The following ZMYM3 variants were observed in gnomAD, a reference collection of about 807,000 sequenced individuals.
ZMYM3 encodes zinc finger MYM-type containing 3, also known as zinc finger MYM-type protein 3.
A neutral mutation model predicts 94.2 loss-of-function variants in ZMYM3; 6 were observed. The ratio of observed to expected loss-of-function variants is 0.06; its 90% CI spans 0.03 to 0.13. The LOEUF (loss-of-function observed/expected upper bound fraction) is 0.13, where lower values mean the gene tolerates loss of function less well. ZMYM3 is among the 10% of genes least tolerant of loss of function. The pLI is 1.00. For missense variants in ZMYM3, 664 were observed against 1,132.6 expected, an observed-to-expected ratio of 0.59 and a Z score of 5.94; for synonymous variants, 420 against 426.5, an observed-to-expected ratio of 0.98 and a Z score of 0.19.
At chrX:71,251,464 T>A in intron 3 of ZMYM3, 94 bp downstream of exon 3, 1 of 1,079,014 alleles carries the variant, frequency 9.3e-7, no homozygotes, top group Non-Finnish European at 1.2e-6. Context: ...TTACACACAC[T>A]CTCTACAGAA....
rs1354582493 is a variant in ZMYM3 at position 71,250,438 on chromosome X, C to T, written c.1067G>A (p.Cys356Tyr). 1 of 1,206,277 alleles carries T rather than the reference C, an allele frequency of 8.3e-7. No homozygotes were observed. Among genetic ancestry groups the T allele is most frequent in the Non-Finnish European group, 1.1e-6 (1 of 892,319 alleles). ...KPSGKKTCTF[C>Y]KKEIWNTKDS... ...CCCCAAGACCCTCACGCACTTCTTG[C>T]AGAAGGTACAGGTCTTTTTGCCCGA... Residue 356 changes from cysteine (C) to tyrosine (Y), a missense_variant, in exon 5 of 25, where the codon TGC (cysteine) becomes TAC (tyrosine). Cys to Tyr is a radical substitution (Grantham distance 194). This residue lies in a region of ZMYM3 where 51 missense variants were observed against 53.0 expected (regional missense o/e 0.96). Transcript: ENST00000314425.
rs1259692858 is a variant in ZMYM3 at position 71,243,875 on chromosome X, C to T, written c.3386G>A (p.Arg1129Gln). ...VREITRPNGE[R>Q]YEPDSIYYLC... ...ATAGTAGATACTGTCAGGTTCATAT[C>T]GTTCACCATTGGGCCGAGTGATTTC... The change falls in exon 21 of 25, where the codon CGA (arginine) becomes CAA (glutamine). Residue 1129 changes from arginine to glutamine, a missense_variant. By Grantham distance (43) the Arg-to-Gln change is conservative (BLOSUM62 1). Transcript: ENST00000314425. 3.3e-6 allele frequency: 4 copies of T among 1,209,908 alleles called. No individual in the cohort carries two copies. Among genetic ancestry groups the T allele is most frequent in the Non-Finnish European group, 4.5e-6 (4 of 895,267 alleles).
At chrX:71,243,124 A>G in intron 21 of ZMYM3, 40 bp from the exon 22 acceptor site, 1 of 1,058,318 alleles carries the variant, frequency 9.4e-7, no homozygotes, top group Non-Finnish European at 1.3e-6. Flanking sequence ...GCTAGACTGT[A>G]GGTCCTAGAA....
Position 71,254,017 on chromosome X carries a change from C to A in ZMYM3, c.-20+12G>T. 1 of 109,225 alleles carries A rather than the reference C, an allele frequency of 9.2e-6. No individual in the cohort carries two copies. 9.0% of individuals were successfully genotyped at this position (109,225 alleles called of 1,213,427 possible). On this transcript the variant is annotated intron_variant, in intron 1 of 24. Coordinates refer to ENST00000314425, the MANE Select transcript of ZMYM3 (RefSeq NM_201599.3). Reference sequence around the variant, plus strand: ...GCAGGTTCGGTTCGGCTTGAGCAGGCCCGACCCCTACCTGCGGCAGGGTTA... The same window carrying A: ...GCAGGTTCGGTTCGGCTTGAGCAGGACCGACCCCTACCTGCGGCAGGGTTA...
At position 71,253,245 on chromosome X, in the gene ZMYM3, C is replaced by G; in HGVS notation, c.11G>C (p.Ser4Thr). Reference sequence around the variant, plus strand: ...TGGGTCAAATGGACTGGGGAAATCACTGGGGTCCATGAGTATGGCTGGATA... The same window carrying G: ...TGGGTCAAATGGACTGGGGAAATCAGTGGGGTCCATGAGTATGGCTGGATA... MDPSDFPSPFDPLT... is the reference protein window; with the variant it reads MDPTDFPSPFDPLT... The change falls in exon 2 of 25, where the codon AGT becomes ACT. Residue 4 changes from serine (S) to threonine (T), a missense_variant. Coordinates refer to ENST00000314425, the MANE Select transcript of ZMYM3 (RefSeq NM_201599.3). 8.6e-7 allele frequency: 1 copy of G among 1,165,095 alleles called. No homozygotes were observed. Among genetic ancestry groups the G allele is most frequent in the Non-Finnish European group, 1.1e-6 (1 of 871,775 alleles).
rs200317234 is a variant in ZMYM3, at chrX:71,251,594, G to A, written c.675C>T (p.Gly225=). The change falls in exon 3 of 25, where the codon GGC becomes GGT. Residue 225 remains glycine, a synonymous_variant. Coordinates refer to ENST00000314425, the MANE Select transcript of ZMYM3 (RefSeq NM_201599.3). ...PPAHPSLPGD[G]LTAKASEKPP... ...GCTTCTCACTCGCCTTCGCAGTCAG[G>A]CCATCTCCTGCAAAGGAAGCAGAAG... 44 of 1,186,981 alleles carry A rather than the reference G, an allele frequency of 3.7e-5. No homozygotes were observed. Among genetic ancestry groups the A allele is most frequent in the Non-Finnish European group, 3.7e-5 (33 of 883,792 alleles).
At chrX:71,243,576 G>T in intron 21 of ZMYM3, 1 of 366,423 alleles carries the variant, frequency 2.7e-6, no homozygotes, top group East Asian at 4.4e-5. Context: ...TAGGGGACAA[G>T]ATGAGGAACA....
At chrX:71,251,778 TG>T (rs1291941819) in intron 2 of ZMYM3, 177 bp from the exon 3 acceptor site, 5 of 746,852 alleles carry the variant, frequency 6.7e-6, no homozygotes, top group African/African-American at 4.8e-5. Context: ...GTACTAAGGG[TG>T]GGGGGGTGCA....
chrX:71,250,287 C>T (rs750061047), intron 5 of ZMYM3, 84 bp from the exon 6 acceptor site: 62 of 1,090,828 alleles, frequency 5.7e-5, no homozygotes, highest in Non-Finnish European at 6.8e-5. Context: ...GGATCAATGA[C>T]CACAGAGCCA....
Position 71,248,812 on chromosome X carries a change from G to A in ZMYM3, c.1622-11C>T. On this transcript the variant is annotated splice_polypyrimidine_tract_variant and intron_variant, in intron 8 of 24. Coordinates refer to ENST00000314425, the MANE Select transcript of ZMYM3 (RefSeq NM_201599.3). The stretch of plus-strand genomic sequence containing the variant: ...AGGGTCGGGGAGGGCCTGGGGCATA[G>A]AGAGAAAGAGAGAGAGGAAAAGAGA... The A allele has an allele frequency of 8.6e-7, 1 of 1,156,977 alleles. No homozygotes were observed. The highest frequency in any genetic ancestry group is 1.2e-6 in the Non-Finnish European group (1 of 856,138).
chrX:71,243,652 C>G, intron 21 of ZMYM3, 177 bp downstream of exon 21: 1 of 476,740 alleles, frequency 2.1e-6, no homozygotes, highest in Non-Finnish European at 3.3e-6. Context: ...AGATGGGTAT[C>G]ACTTTGTTGC....
intron 21 of ZMYM3, chrX:71,243,547 G>A (rs1454751063): frequency 2.9e-6 from 1 of 340,113 alleles, no homozygotes; most frequent in Admixed American, 5.0e-5. Context: ...GAGATTAAAG[G>A]CAAGCTGCCT....
Position 71,244,566 on chromosome X carries a change from G to C in ZMYM3, c.3112-96C>G, listed in dbSNP as rs1297036767. On this transcript the variant is annotated intron_variant, in intron 19 of 24. Transcript: ENST00000314425. ...ATATTTACTGCTGGCCGGGGCAGGG[G>C]CTGATGTAAGCACACAGCAAGCTTC... The C allele has an allele frequency of 1.6e-5, 16 of 1,006,972 alleles. No homozygotes were observed. The African/African-American group carries it at 2.7e-4, about 17-fold the overall frequency. The allele number at this position is 1,006,972 out of a possible 1,213,427, so 83.0% of individuals were successfully genotyped here.
In ZMYM3 at chrX:71,251,649, A is replaced by G. The variant is rs376378462; in HGVS notation, c.668-48T>C. The G allele has an allele frequency of 1.2e-4, 134 of 1,113,789 alleles. 1 individual carries two copies. Among genetic ancestry groups the G allele is most frequent in the Non-Finnish European group, 1.5e-4 (129 of 846,513 alleles). The allele number at this position is 1,113,789 out of a possible 1,213,427, so 91.8% of individuals were successfully genotyped here. A position where few individuals can be genotyped will look rare whatever the true frequency, so the allele number is the denominator to read the frequency against. On this transcript the variant is annotated intron_variant, in intron 2 of 24. Transcript: ENST00000314425. ...CCTAAATGTTGAGCCTGCCCTCACCACCCTCTCCCCGGCCCAACCCCCGCC... is the reference window on the plus strand; with the variant it reads ...CCTAAATGTTGAGCCTGCCCTCACCGCCCTCTCCCCGGCCCAACCCCCGCC...
At chrX:71,242,911 G>A in intron 22 of ZMYM3, 59 bp downstream of exon 22, 1 of 1,077,625 alleles carries the variant, frequency 9.3e-7, no homozygotes, top group Non-Finnish European at 1.3e-6. Context: ...GGACTCTCGG[G>A]ATGGTGGATT....
chrX:71,242,125 A>C (rs1435549885), intron 23 of ZMYM3, 45 bp downstream of exon 23: 7 of 1,150,480 alleles, frequency 6.1e-6, no homozygotes, highest in Non-Finnish European at 8.1e-6. Context: ...TGGAAGGGGA[A>C]GGCAGAGAAG....
rs995503570 is a variant in ZMYM3 at position 71,245,852 on chromosome X, C to T, written c.2686-10G>A. Reference sequence around the variant, plus strand: ...ACATGGGCACAGGCACCTGGAGGCACGAATCCCAACTAAATGCCAAGAACC... The same window carrying T: ...ACATGGGCACAGGCACCTGGAGGCATGAATCCCAACTAAATGCCAAGAACC... On this transcript the variant is annotated splice_polypyrimidine_tract_variant and intron_variant, in intron 16 of 24. Transcript: ENST00000314425. The T allele has an allele frequency of 2.2e-5, 27 of 1,203,131 alleles. No homozygotes were observed. Among genetic ancestry groups the T allele is most frequent in the Admixed American group, 6.6e-5 (3 of 45,189 alleles).
At chrX:71,249,717 G>A (rs980001676) in intron 6 of ZMYM3, 38 bp from the exon 7 acceptor site, 4 of 1,185,837 alleles carry the variant, frequency 3.4e-6, no homozygotes, top group Non-Finnish European at 4.5e-6. Flanking sequence ...CTAGGGCCTG[G>A]CCACCACCGC....
chrX:71,248,779 G>A lies in ZMYM3; in HGVS notation c.1644C>T (p.Phe548=), dbSNP rs2030306343. 8.3e-7 allele frequency: 1 copy of A among 1,206,742 alleles called. No homozygotes were observed. Among genetic ancestry groups the A allele is most frequent in the Non-Finnish European group, 1.1e-6 (1 of 893,010 alleles). Residue 548 remains phenylalanine, a synonymous_variant, in exon 9 of 25, where the codon TTC becomes TTT. Transcript: ENST00000314425. Reference sequence around the variant, plus strand: ...AGGGGTCAGAGAGGCTGCGGCGGCAGAAGCTGCAGGGTCGGGGAGGGCCTG... The same window carrying A: ...AGGGGTCAGAGAGGCTGCGGCGGCAAAAGCTGCAGGGTCGGGGAGGGCCTG... The part of the protein sequence containing the change: ...GLTGPPRPCS[F]CRRSLSDPCY...
Sources: allele counts gnomAD v4.1 joint callset, GRCh38; gene constraint gnomAD v4.1.1; regional missense constraint gnomAD v4.1.1; transcripts MANE v1.5; gene names NCBI Gene and HGNC (gene_info 2026-07-23, HGNC 2026-07-21).